The following VPS13B variants were observed in gnomAD, a reference collection of about 807,000 sequenced individuals.
The protein encoded by VPS13B is intermembrane lipid transfer protein VPS13B.
A neutral mutation model predicts 426.4 loss-of-function variants in VPS13B; 285 were observed. The observed-to-expected ratio is 0.67, with a 90% CI of 0.61 to 0.74. The LOEUF is 0.74. Among genes scored for constraint, VPS13B ranks in the 30% least tolerant of loss-of-function variants. VPS13B has a pLI of 0.00. For synonymous variants in VPS13B, 1,676 were observed against 1,676.4 expected, an observed-to-expected ratio of 1.00 and a Z score of 0.01; for missense variants, 4,537 against 4,782.6, an observed-to-expected ratio of 0.95 and a Z score of 1.51.
At chr8:99,313,967 C>CA (rs1821165415) in intron 19 of VPS13B, among the ~76,000 whole-genome samples, 1 of 152,142 alleles carries the variant, frequency 6.6e-6, no homozygotes, top group South Asian at 2.1e-4. Context: ...CCCTCCAAGC[C>CA]AGGCACGGGA....
intron 14 of VPS13B, among the ~76,000 whole-genome samples, chr8:99,154,075 AT>A (rs1163385882): frequency 6.8e-6 from 1 of 147,938 alleles, no homozygotes; most frequent in African/African-American, 2.5e-5. Context: ...AGTAACATGT[AT>A]TTTTTTCTGT....
intron 21 of VPS13B, among the ~76,000 whole-genome samples, chr8:99,423,817 GCTTTA>G (rs1381943399): frequency 6.6e-6 from 1 of 152,168 alleles, no homozygotes; most frequent in Non-Finnish European, 1.5e-5. Flanking sequence ...GTTGAGGAGT[GCTTTA>G]CTTCCAACTA....
intron 29 of VPS13B, among the ~76,000 whole-genome samples, chr8:99,517,901 G>A (rs1051875963): frequency 6.6e-6 from 1 of 151,432 alleles, no homozygotes; most frequent in East Asian, 1.9e-4. Flanking sequence ...GCACTTTCAT[G>A]TATAAATACA....
chr8:99,659,472 T>C (rs1830142097), intron 34 of VPS13B, among the ~76,000 whole-genome samples: 1 of 152,160 alleles, frequency 6.6e-6, no homozygotes, highest in Non-Finnish European at 1.5e-5. Flanking sequence ...ATGTCAGCCC[T>C]TATGTTTTTT....
intron 23 of VPS13B, among the ~76,000 whole-genome samples, chr8:99,459,306 A>G (rs1396089608): frequency 1.3e-5 from 2 of 152,122 alleles, no homozygotes; most frequent in African/African-American, 4.8e-5. Context: ...TATTCTATCA[A>G]TTATGGAGAG....
Position 99,759,960 on chromosome 8 carries a change from T to G in VPS13B, c.7051-6814T>G, listed in dbSNP as rs1810844822. ...GCTTGTCTCTTTTTTTCTTTTTCTT[T>G]TCTTTTCTTTTTTTGTATTATTGTT... On this transcript the variant is annotated intron_variant, in intron 39 of 61. Transcript: ENST00000357162. Among the ~76,000 whole-genome samples the G allele has an allele frequency of 3.3e-5, 5 of 152,206 alleles. No homozygotes were observed. In the South Asian group the frequency reaches 1.0e-3, roughly 32 times the overall value.
At chr8:99,056,980 AT>A (rs1269556104) in intron 3 of VPS13B, among the ~76,000 whole-genome samples, 26 of 151,964 alleles carry the variant, frequency 1.7e-4, no homozygotes, top group African/African-American at 6.0e-4. Context: ...CCTTTGGGGC[AT>A]TTTTAATATT....
chr8:99,774,208 G>A (rs928257982), intron 40 of VPS13B, among the ~76,000 whole-genome samples: 2 of 152,084 alleles, frequency 1.3e-5, no homozygotes, highest in African/African-American at 2.4e-5. Context: ...TGTTGACTCC[G>A]ATTTTTAAAT....
At chr8:99,495,784 CT>C (rs1820852024) in intron 25 of VPS13B, among the ~76,000 whole-genome samples, 1 of 152,038 alleles carries the variant, frequency 6.6e-6, no homozygotes, top group Admixed American at 6.6e-5. Context: ...ATAGATATTG[CT>C]TTTTTATTGG....
chr8:99,875,393 A>G (rs1227620268), intron 61 of VPS13B, 25 bp from the exon 62 acceptor site: 1 of 1,613,990 alleles, frequency 6.2e-7, no homozygotes, highest in African/African-American at 1.3e-5. Flanking sequence ...TCTGGCAACT[A>G]ATCTTTATTA....
intron 19 of VPS13B, among the ~76,000 whole-genome samples, chr8:99,351,256 C>G (rs775798266): frequency 3.9e-5 from 6 of 152,136 alleles, no homozygotes; most frequent in Non-Finnish European, 8.8e-5. Context: ...GTTAATCAAT[C>G]CCTTTCATGT....
At chr8:99,816,104 C>G (rs1467888637) in intron 44 of VPS13B, among the ~76,000 whole-genome samples, 1 of 147,884 alleles carries the variant, frequency 6.8e-6, no homozygotes, top group Non-Finnish European at 1.5e-5. Flanking sequence ...CTCTCTCTCT[C>G]TCTCTTTTTT....
At position 99,776,839 on chromosome 8, in the gene VPS13B, G is replaced by T; in HGVS notation, c.7312G>T (p.Ala2438Ser). The change falls in exon 41 of 62, where the codon GCC (alanine) becomes TCC (serine). Residue 2438 changes from alanine (A) to serine (S), a missense_variant. Ala to Ser is a moderately conservative substitution (Grantham distance 99). This residue lies in a region of VPS13B where 4,311 missense variants were observed against 4,474.3 expected (regional missense o/e 0.96). Coordinates refer to ENST00000357162, the MANE Select transcript of VPS13B (RefSeq NM_152564.5). ...ACTTGTGACTCCAACAGCCCTGGCTGCCTGTACCAGAGTTGACTCCTGCTT... is the reference window on the plus strand; with the variant it reads ...ACTTGTGACTCCAACAGCCCTGGCTTCCTGTACCAGAGTTGACTCCTGCTT... Reference protein sequence around the residue: ...DPLVTPTALAACTRVDSCFTP... With the variant: ...DPLVTPTALASCTRVDSCFTP... The T allele has an allele frequency of 6.2e-7, 1 of 1,614,080 alleles. No homozygotes were observed. Among genetic ancestry groups the T allele is most frequent in the Non-Finnish European group, 8.5e-7 (1 of 1,179,970 alleles).
At chr8:99,668,887 A>G (rs1830591671) in intron 35 of VPS13B, among the ~76,000 whole-genome samples, 1 of 152,178 alleles carries the variant, frequency 6.6e-6, no homozygotes, top group African/African-American at 2.4e-5. Flanking sequence ...AACAGTCCAC[A>G]GCAGGTTAAT....
rs182798602 is a variant in VPS13B at position 99,394,997 on chromosome 8, T to C, written c.3082+3293T>C. Among the ~76,000 whole-genome samples, 75 of 152,262 alleles carry C rather than the reference T, an allele frequency of 4.9e-4. 1 individual carries two copies. In the East Asian group the frequency reaches 0.014, roughly 28 times the overall value. ...TGCTGTAAACAACTAACAAACTGGA[T>C]AAAATATATGGGGAAAATTCCCCAG... On this transcript the variant is annotated intron_variant, in intron 21 of 61. Coordinates refer to ENST00000357162, the MANE Select transcript of VPS13B (RefSeq NM_152564.5).
At chr8:99,585,815 G>A (rs2133827144) in intron 33 of VPS13B, among the ~76,000 whole-genome samples, 1 of 152,218 alleles carries the variant, frequency 6.6e-6, no homozygotes, top group South Asian at 2.1e-4. Flanking sequence ...CATTGTACTG[G>A]AAGTTCTAGT....
intron 54 of VPS13B, among the ~76,000 whole-genome samples, chr8:99,844,914 G>A (rs1004478036): frequency 1.3e-5 from 2 of 152,060 alleles, no homozygotes; most frequent in African/African-American, 2.4e-5. Flanking sequence ...AAAACAAAAC[G>A]TAATGTTCCA....
At chr8:99,171,526 T>A (rs1016133191) in intron 16 of VPS13B, among the ~76,000 whole-genome samples, 6 of 151,970 alleles carry the variant, frequency 3.9e-5, no homozygotes, top group African/African-American at 1.4e-4. Context: ...AAATCAATAT[T>A]GAAATAAGTA....
At chr8:99,505,890 A>AT (rs1821475164) in intron 27 of VPS13B, among the ~76,000 whole-genome samples, 1 of 152,164 alleles carries the variant, frequency 6.6e-6, no homozygotes, top group Non-Finnish European at 1.5e-5. Flanking sequence ...ACATTGATTA[A>AT]TTTTACTTAG....
Sources: allele counts gnomAD v4.1 joint callset (sites outside exome capture counted in the v4.1 genomes callset), GRCh38; gene constraint gnomAD v4.1.1; regional missense constraint gnomAD v4.1.1; transcripts MANE v1.5; gene names NCBI Gene and HGNC (gene_info 2026-07-23, HGNC 2026-07-21).